LRRK2: variants seen among roughly 807,000 people sequenced by gnomAD.
LRRK2 encodes the protein leucine-rich repeat serine/threonine-protein kinase 2.
In LRRK2, 203 loss-of-function variants were observed where a neutral mutation model predicts 302.6. The ratio of observed to expected loss-of-function variants is 0.67; its 90% CI spans 0.60 to 0.75. The LOEUF is 0.75. LRRK2 is among the 30% of genes least tolerant of loss of function. LRRK2 has a pLI of 0.00. For synonymous variants in LRRK2, 1,066 were observed against 1,031.9 expected, an observed-to-expected ratio of 1.03 and a Z score of -0.63; for missense variants, 2,830 against 2,951.0, an observed-to-expected ratio of 0.96 and a Z score of 0.95.
chr12:40,282,785 C>T (rs1436387783), intron 18 of LRRK2, among the ~76,000 whole-genome samples: 1 of 152,138 alleles, frequency 6.6e-6, no homozygotes, highest in African/African-American at 2.4e-5. Context: ...CTTGGAAACA[C>T]TTTAATTCTA....
intron 50 of LRRK2, 181 bp from the exon 51 acceptor site, chr12:40,367,463 T>A (rs1946913385): frequency 2.1e-6 from 1 of 473,884 alleles, no homozygotes; most frequent in East Asian, 3.6e-5. Flanking sequence ...GTTTCTATAA[T>A]GTATTATAAA....
Position 40,305,883 on chromosome 12 carries a change from C to T in LRRK2, c.3876C>T (p.Ser1292=), listed in dbSNP as rs762900451. ...TTCCCAATGAAATGGGGAAATTAAG[C>T]AAAATATGGGATCTTCCTTTGGATG... is the stretch of plus-strand genomic sequence containing the variant. The part of the protein sequence containing the change: ...RSFPNEMGKL[S]KIWDLPLDEL... Residue 1292 remains serine, a synonymous_variant, in exon 28 of 51, where the codon AGC becomes AGT. Coordinates refer to ENST00000298910, the MANE Select transcript of LRRK2 (RefSeq NM_198578.4). 1 of 1,613,290 alleles carries T rather than the reference C, an allele frequency of 6.2e-7. No homozygotes were observed. Among genetic ancestry groups the T allele is most frequent in the South Asian group, 1.1e-5 (1 of 91,052 alleles).
chr12:40,321,360 T>C (rs1306880344), intron 35 of LRRK2, among the ~76,000 whole-genome samples, 172 bp downstream of exon 35: 1 of 151,882 alleles, frequency 6.6e-6, no homozygotes, highest in Non-Finnish European at 1.5e-5. Context: ...AACCTTGGAG[T>C]AGGCAATCTA....
At chr12:40,259,459 A>G (rs1942673536) in intron 12 of LRRK2, 21 bp from the exon 13 acceptor site, 1 of 1,612,776 alleles carries the variant, frequency 6.2e-7, no homozygotes, top group Non-Finnish European at 8.5e-7. Flanking sequence ...TTCAATAAGC[A>G]TGCCAATTTT....
At chr12:40,367,255 G>A (rs1835361386) in intron 50 of LRRK2, 178 bp downstream of exon 50, 2 of 573,614 alleles carry the variant, frequency 3.5e-6, no homozygotes, top group African/African-American at 3.8e-5. Flanking sequence ...GTGATATGAA[G>A]TGTTAAATAT....
Position 40,225,095 on chromosome 12 carries a change from A to C in LRRK2, c.-37A>C, listed in dbSNP as rs1940796745. 1 of 1,612,174 alleles carries C rather than the reference A, an allele frequency of 6.2e-7. No homozygotes were observed. Among genetic ancestry groups the C allele is most frequent in the South Asian group, 1.1e-5 (1 of 90,988 alleles). ...CCGGTTCCCTGAGCAGCGGACGTTC[A>C]TGCTGGGAGGGCGGCGGGTTGGAAG... is the stretch of plus-strand genomic sequence containing the variant. On this transcript the variant is annotated 5_prime_UTR_variant, in exon 1 of 51. An upstream start codon of the reference 5' UTR is lost. Coordinates refer to ENST00000298910, the MANE Select transcript of LRRK2 (RefSeq NM_198578.4).
Position 40,304,391 on chromosome 12 carries a change from A to T in LRRK2, c.3777+257A>T, listed in dbSNP as rs72547975. The T allele has an allele frequency of 7.2e-3, 4,005 of 558,390 alleles. 29 individuals carry two copies. The highest frequency in any genetic ancestry group is 8.6e-3 in the Non-Finnish European group (2,750 of 318,628). The allele number at this position is 558,390 out of a possible 1,614,324, so 34.6% of individuals were successfully genotyped here. On this transcript the variant is annotated intron_variant, in intron 27 of 50. Transcript: ENST00000298910. ...AAAAATCTACTTTTAAAAATAAGGT[A>T]GTAGCCTTAATACTTCCACTAAACA...
chr12:40,266,396 A>G (rs943837812), intron 14 of LRRK2, among the ~76,000 whole-genome samples: 6 of 152,172 alleles, frequency 3.9e-5, no homozygotes, highest in African/African-American at 1.4e-4. Context: ...CAGGCACATG[A>G]AAAAATCCTC....
intron 16 of LRRK2, among the ~76,000 whole-genome samples, chr12:40,277,245 A>G (rs1419062683): frequency 4.6e-5 from 7 of 152,232 alleles, no homozygotes; most frequent in Non-Finnish European, 7.3e-5. Flanking sequence ...TTAAAACATC[A>G]CATGAGTGAA....
At chr12:40,349,950 C>T (rs989020023) in intron 43 of LRRK2, among the ~76,000 whole-genome samples, 2 of 152,226 alleles carry the variant, frequency 1.3e-5, no homozygotes, top group Non-Finnish European at 2.9e-5. Flanking sequence ...AAATGCAGTT[C>T]ATGGCTTGAG....
chr12:40,287,410 G>A lies in LRRK2; in HGVS notation c.2560G>A (p.Glu854Lys), dbSNP rs199610116. The A allele has an allele frequency of 3.2e-5, 52 of 1,612,722 alleles. 1 individual carries two copies. In the South Asian group the frequency reaches 5.7e-4, roughly 18 times the overall value. The part of the protein sequence containing the change: ...IRYQMKSAVE[E>K]GTASGSDGNF... Reference sequence around the variant, plus strand: ...ATATCAGATGAAAAGTGCTGTGGAAGAAGGAACAGCCTCAGGCAGCGATGG... The same window carrying A: ...ATATCAGATGAAAAGTGCTGTGGAAAAAGGAACAGCCTCAGGCAGCGATGG... Residue 854 changes from glutamate to lysine, a missense_variant, in exon 20 of 51, where the codon GAA (glutamate) becomes AAA (lysine). Around this residue, in one of 3 missense-constraint regions of LRRK2, gnomAD observed 2,121 missense variants for 2,148.0 expected, o/e 0.99. Coordinates refer to ENST00000298910, the MANE Select transcript of LRRK2 (RefSeq NM_198578.4).
intron 5 of LRRK2, among the ~76,000 whole-genome samples, chr12:40,240,135 C>G (rs1012979141): frequency 6.6e-6 from 1 of 152,140 alleles, no homozygotes; most frequent in African/African-American, 2.4e-5. Flanking sequence ...TGCAATATGT[C>G]CAGTTCCAGT....
intron 41 of LRRK2, among the ~76,000 whole-genome samples, chr12:40,342,423 G>A (rs1946071677): frequency 6.6e-6 from 1 of 151,344 alleles, no homozygotes; most frequent in Non-Finnish European, 1.5e-5. Flanking sequence ...GAAACCCAGG[G>A]CCTAATCTTT....
chr12:40,298,188 A>T, intron 23 of LRRK2, 55 bp from the exon 24 acceptor site: 1 of 1,586,886 alleles, frequency 6.3e-7, no homozygotes, highest in Non-Finnish European at 8.6e-7. Context: ...AATATTAGCT[A>T]GACTTAAGTT....
At chr12:40,258,130 A>G (rs766404922) in intron 12 of LRRK2, among the ~76,000 whole-genome samples, 3 of 152,228 alleles carry the variant, frequency 2.0e-5, no homozygotes, top group Non-Finnish European at 2.9e-5. Context: ...GTAAGCTTAG[A>G]ATGTAAGGAT....
chr12:40,267,966 G>A (rs1402306014), intron 14 of LRRK2, among the ~76,000 whole-genome samples: 1 of 152,098 alleles, frequency 6.6e-6, no homozygotes, highest in Non-Finnish European at 1.5e-5. Context: ...TAGAACTTGA[G>A]ATTCAACTCT....
intron 39 of LRRK2, among the ~76,000 whole-genome samples, chr12:40,333,026 C>T (rs545478892): frequency 2.5e-4 from 38 of 151,318 alleles, no homozygotes; most frequent in African/African-American, 8.2e-4. Context: ...GTCATTCTAC[C>T]AGTAGTCATG....
intron 38 of LRRK2, among the ~76,000 whole-genome samples, chr12:40,324,878 A>G (rs1945499259): frequency 6.6e-6 from 1 of 152,254 alleles, no homozygotes. Context: ...CTTCCTCTGA[A>G]GAAATCCCAA....
intron 39 of LRRK2, among the ~76,000 whole-genome samples, chr12:40,330,519 T>C (rs749586020): frequency 5.3e-5 from 8 of 152,188 alleles, no homozygotes; most frequent in Non-Finnish European, 7.4e-5. Context: ...GTGTAGGTTG[T>C]TTTTCATTCC....
Sources: allele counts gnomAD v4.1 joint callset (sites outside exome capture counted in the v4.1 genomes callset), GRCh38; gene constraint gnomAD v4.1.1; regional missense constraint gnomAD v4.1.1; transcripts MANE v1.5; gene names NCBI Gene and HGNC (gene_info 2026-07-23, HGNC 2026-07-21).